PITPNM2: variants seen among roughly 807,000 people sequenced by gnomAD.
PITPNM2 encodes the protein phosphatidylinositol transfer protein membrane associated 2.
In PITPNM2, 35 loss-of-function variants were observed where a neutral mutation model predicts 132.2. The observed-to-expected ratio is 0.26, with a 90% CI of 0.20 to 0.35. The LOEUF (loss-of-function observed/expected upper bound fraction) is 0.35, where lower values mean the gene tolerates loss of function less well. PITPNM2 is among the 10% of genes least tolerant of loss of function. The pLI is 1.00. For missense variants in PITPNM2, 1,332 were observed against 1,912.0 expected (o/e 0.70, Z 5.66); for synonymous variants, 738 against 799.2 (o/e 0.92, Z 1.29).
chr12:123,038,536 G>C (rs999235576), intron 2 of PITPNM2, among the ~76,000 whole-genome samples: 2 of 152,236 alleles, frequency 1.3e-5, no homozygotes, highest in Admixed American at 6.5e-5. Flanking sequence ...TCAGTCCAGA[G>C]GGGTCTCAGG....
chr12:123,047,349 T>C (rs1024584862), intron 2 of PITPNM2, among the ~76,000 whole-genome samples: 7 of 152,270 alleles, frequency 4.6e-5, no homozygotes, highest in African/African-American at 1.7e-4. Context: ...CTTGTTTTTA[T>C]TCTAATGTTC....
rs2038592037 is a variant in PITPNM2 at position 123,000,083 on chromosome 12, T to TCCC, written c.1224+692_1224+694dup. On this transcript the variant is annotated intron_variant, in intron 10 of 25. Transcript: ENST00000320201. This position sits in a 1 kb window ranked among gnomAD's most constrained non-coding sequence, Gnocchi z 5.4. ...GAGGCTGTGTGGATGTCCCTCCTCCTCCCCGCCTAGATTCCCCGGGGGCCC... is the reference window on the plus strand; with the variant it reads ...GAGGCTGTGTGGATGTCCCTCCTCCTCCCCCCCGCCTAGATTCCCCGGGGGCCC... Among the ~76,000 whole-genome samples, 1 of 150,942 alleles carries TCCC rather than the reference T, an allele frequency of 6.6e-6. No homozygotes were observed. The highest frequency in any genetic ancestry group is 2.4e-5 in the African/African-American group (1 of 41,016).
rs1427389013 is a variant in PITPNM2 at position 122,994,278 on chromosome 12, T to A, written c.2233+523A>T. ...TAACATGTGTTGCTACTCTCAGGAT[T>A]GTGTGGCTCCTGGAGCTTTGCAGGC... is the stretch of plus-strand genomic sequence containing the variant. On this transcript the variant is annotated intron_variant, in intron 15 of 25. Coordinates refer to ENST00000320201, the MANE Select transcript of PITPNM2 (RefSeq NM_020845.3). This position sits in a 1 kb window ranked among gnomAD's most constrained non-coding sequence, Gnocchi z 5.4. 1.3e-5 allele frequency among the ~76,000 whole-genome samples: 2 copies of A among 152,240 alleles called. No individual in the cohort carries two copies.
At chr12:123,093,587 G>T (rs1325861934) in intron 2 of PITPNM2, among the ~76,000 whole-genome samples, 1 of 152,074 alleles carries the variant, frequency 6.6e-6, no homozygotes, top group Non-Finnish European at 1.5e-5. Flanking sequence ...CCTGCCACTC[G>T]GCAGCCCCTC....
At chr12:123,104,067 G>A (rs913808443) in intron 2 of PITPNM2, among the ~76,000 whole-genome samples, 4 of 152,146 alleles carry the variant, frequency 2.6e-5, no homozygotes, top group Admixed American at 2.6e-4. Flanking sequence ...GGGACTACAG[G>A]CATGCACCAC....
chr12:123,029,567 CA>C (rs2039995167), intron 3 of PITPNM2, among the ~76,000 whole-genome samples: 1 of 152,166 alleles, frequency 6.6e-6, no homozygotes, highest in African/African-American at 2.4e-5. Context: ...GCCTGGGGAA[CA>C]GAGTGAGACT....
At chr12:123,043,404 C>G (rs2040557568) in intron 2 of PITPNM2, among the ~76,000 whole-genome samples, 1 of 152,138 alleles carries the variant, frequency 6.6e-6, no homozygotes, top group African/African-American at 2.4e-5. Context: ...CCCACAGATT[C>G]CTTGACACCT....
chr12:123,102,612 G>A lies in PITPNM2; in HGVS notation c.-96+7773C>T, dbSNP rs149704832. ...CCCTCATACTGAGGAGTGTAAAGAC[G>A]ACAACTGATTCTTCCCATGCTGAGC... On this transcript the variant is annotated intron_variant, in intron 2 of 25. Coordinates refer to ENST00000320201, the MANE Select transcript of PITPNM2 (RefSeq NM_020845.3). 5.3e-5 allele frequency among the ~76,000 whole-genome samples: 8 copies of A among 152,218 alleles called. No individual in the cohort carries two copies. In the East Asian group the frequency reaches 1.4e-3, roughly 26 times the overall value.
At position 123,021,432 on chromosome 12, in the gene PITPNM2, AG is replaced by A. The variant is rs2039667410; in HGVS notation, c.79-7391del. On this transcript the variant is annotated intron_variant, in intron 3 of 25. Coordinates refer to ENST00000320201, the MANE Select transcript of PITPNM2 (RefSeq NM_020845.3). ...CTGCAGCCTTGACCCCCCAAGCTCA[AG>A]CAATCCTTCTGCCTCAGACTCTAGA... Among the ~76,000 whole-genome samples the A allele has an allele frequency of 1.3e-5, 2 of 152,214 alleles. 1 individual carries two copies. The highest frequency in any genetic ancestry group is 4.1e-4 in the South Asian group (2 of 4,828).
chr12:123,123,068 C>G (rs1566302182), intron 1 of PITPNM2, among the ~76,000 whole-genome samples: 1 of 152,164 alleles, frequency 6.6e-6, no homozygotes, highest in African/African-American at 2.4e-5. Context: ...TGCATGAAAA[C>G]CTACTTATTG....
In PITPNM2 at chr12:122,986,141, C is replaced by G; in HGVS notation, c.3936G>C (p.Gln1312His). Residue 1312 changes from glutamine (Q) to histidine (H), a missense_variant, in exon 26 of 26, where the codon CAG becomes CAC. Transcript: ENST00000320201. ...CCCGCTGCTCGCCATCCGCCTGGCT[C>G]TGTGTCCGCTCGTGCCGGTGGCTGG... The part of the protein sequence containing the change: ...SGPSHRHERT[Q>H]SQADGEQRGQ... 1 of 1,524,464 alleles carries G rather than the reference C, an allele frequency of 6.6e-7. No homozygotes were observed. The highest frequency in any genetic ancestry group is 8.8e-7 in the Non-Finnish European group (1 of 1,141,444). The allele number at this position is 1,524,464 out of a possible 1,614,324, so 94.4% of individuals were successfully genotyped here.
At position 122,992,360 on chromosome 12, in the gene PITPNM2, T is replaced by A; in HGVS notation, c.2404+139A>T. ...ACCCCCACCCCCCACCCCCAACAGC[T>A]GTCCACCTCCAAGAGGCATTCAGCA... On this transcript the variant is annotated intron_variant, in intron 16 of 25. Coordinates refer to ENST00000320201, the MANE Select transcript of PITPNM2 (RefSeq NM_020845.3). This position sits in a 1 kb window ranked among gnomAD's most constrained non-coding sequence, Gnocchi z 6.5. 2.9e-6 allele frequency: 1 copy of A among 350,548 alleles called. No homozygotes were observed. The highest frequency in any genetic ancestry group is 4.9e-6 in the Non-Finnish European group (1 of 202,478). 21.7% of individuals were successfully genotyped at this position (350,548 alleles called of 1,614,324 possible). A position where few individuals can be genotyped will look rare whatever the true frequency, so the allele number is the denominator to read the frequency against.
intron 1 of PITPNM2, among the ~76,000 whole-genome samples, chr12:123,132,315 C>T (rs2043283172): frequency 2.0e-5 from 3 of 152,104 alleles, no homozygotes; most frequent in Non-Finnish European, 2.9e-5. Context: ...AAGAGCATGG[C>T]GGGTACACTG....
At chr12:123,115,540 C>T (rs1254052738) in intron 1 of PITPNM2, among the ~76,000 whole-genome samples, 3 of 151,698 alleles carry the variant, frequency 2.0e-5, no homozygotes, top group South Asian at 2.1e-4. Context: ...AATACGCGCC[C>T]GCACACACAC....
intron 2 of PITPNM2, among the ~76,000 whole-genome samples, chr12:123,061,220 C>T (rs1723879833): frequency 6.6e-6 from 1 of 152,226 alleles, no homozygotes; most frequent in Admixed American, 6.5e-5. Context: ...GGGAAACTTT[C>T]TGACCCCTTA....
intron 3 of PITPNM2, among the ~76,000 whole-genome samples, chr12:123,016,594 C>A (rs73230035): frequency 2.0e-5 from 1 of 50,578 alleles, no homozygotes; most frequent in Non-Finnish European, 4.4e-5. Context: ...CAAAAACAAA[C>A]AAAAAAACAA....
At chr12:123,014,495 G>A (rs2039345051) in intron 3 of PITPNM2, among the ~76,000 whole-genome samples, 1 of 152,206 alleles carries the variant, frequency 6.6e-6, no homozygotes, top group Non-Finnish European at 1.5e-5. Flanking sequence ...CTTGAGGTCA[G>A]GAGTTTGAGA....
Position 122,999,176 on chromosome 12 carries a change from A to G in PITPNM2, c.1224+1602T>C, listed in dbSNP as rs1418467012. Among the ~76,000 whole-genome samples the G allele has an allele frequency of 2.0e-5, 3 of 151,184 alleles. No individual in the cohort carries two copies. The East Asian group carries it at 5.8e-4, about 29-fold the overall frequency. On this transcript the variant is annotated intron_variant, in intron 10 of 25. Transcript: ENST00000320201. ...GAATGGATGGGCTGGGCCAGGAGCC[A>G]CTGAGCAGCAAGAAGCCTGGTGGGT...
rs1421976424 is a variant in PITPNM2, at chr12:123,008,126, G to T, written c.643+1724C>A. Among the ~76,000 whole-genome samples, 1 of 152,226 alleles carries T rather than the reference G, an allele frequency of 6.6e-6. No individual in the cohort carries two copies. The highest frequency in any genetic ancestry group is 1.5e-5 in the Non-Finnish European group (1 of 68,032). On this transcript the variant is annotated intron_variant, in intron 6 of 25. Coordinates refer to ENST00000320201, the MANE Select transcript of PITPNM2 (RefSeq NM_020845.3). The surrounding 1 kb of genome is among the most constrained non-coding windows in gnomAD (Gnocchi z 4.1). ...CCACAGAGCCACTACGTGTGAGTCA[G>T]GCCTGGACTCTAAAGTTGTCTTCTT...
Sources: allele counts gnomAD v4.1 joint callset (sites outside exome capture counted in the v4.1 genomes callset), GRCh38; gene constraint gnomAD v4.1.1; non-coding constraint Gnocchi (gnomAD v3.1); transcripts MANE v1.5; gene names NCBI Gene and HGNC (gene_info 2026-07-23, HGNC 2026-07-21).